NELL2: variants seen among roughly 807,000 people sequenced by gnomAD.
NELL2 encodes neural EGFL like 2, also known as protein kinase C-binding protein NELL2.
Under a neutral mutation model 109.6 loss-of-function variants are expected in NELL2, and 41 were observed. That is an observed-to-expected ratio of 0.37 (90% CI 0.29 to 0.49). NELL2 has a LOEUF of 0.49. Ranked by LOEUF, NELL2 falls within the 20% of genes least tolerant of loss-of-function variation. The pLI is 0.98. For missense variants in NELL2, 900 were observed against 1,008.3 expected (o/e 0.89, Z 1.45); for synonymous variants, 355 against 344.7 (o/e 1.03, Z -0.33).
intron 12 of NELL2, among the ~76,000 whole-genome samples, chr12:44,680,484 T>C (rs1031216254): frequency 1.3e-5 from 2 of 152,166 alleles, no homozygotes; most frequent in Non-Finnish European, 2.9e-5. Context: ...AATTTAAAAA[T>C]GTAATTAAAG....
At chr12:44,711,502 T>C (rs1566215000) in intron 10 of NELL2, 108 bp from the exon 11 acceptor site, 19 of 851,200 alleles carry the variant, frequency 2.2e-5, no homozygotes, top group Non-Finnish European at 2.3e-5. Flanking sequence ...GAAATTTTTG[T>C]CCTGAGGACC....
At chr12:44,670,203 A>C (rs772956736) in intron 12 of NELL2, among the ~76,000 whole-genome samples, 4 of 152,192 alleles carry the variant, frequency 2.6e-5, no homozygotes, top group Non-Finnish European at 5.9e-5. Flanking sequence ...TAATGAAATA[A>C]TTCATCATCG....
At chr12:44,764,656 G>A (rs1211581081) in intron 9 of NELL2, among the ~76,000 whole-genome samples, 2 of 152,166 alleles carry the variant, frequency 1.3e-5, no homozygotes, top group South Asian at 2.1e-4. Context: ...TTAAATTGTG[G>A]TGCTGCCACT....
At chr12:44,741,862 C>T (rs1939990680) in intron 9 of NELL2, among the ~76,000 whole-genome samples, 1 of 152,256 alleles carries the variant, frequency 6.6e-6, no homozygotes, top group South Asian at 2.1e-4. Context: ...CAGTCTGCCT[C>T]TGTAGGCTCC....
intron 9 of NELL2, among the ~76,000 whole-genome samples, chr12:44,748,198 A>C (rs1011467291): frequency 6.6e-6 from 1 of 152,136 alleles, no homozygotes; most frequent in Non-Finnish European, 1.5e-5. Context: ...CAACACTCTA[A>C]TTTAAGAATA....
intron 15 of NELL2, among the ~76,000 whole-genome samples, chr12:44,539,996 T>C (rs971745758): frequency 1.3e-5 from 2 of 152,122 alleles, no homozygotes; most frequent in Non-Finnish European, 2.9e-5. Flanking sequence ...AAAAATAACA[T>C]GATAGTAAAA....
chr12:44,606,720 AATT>A (rs781726369), intron 15 of NELL2, among the ~76,000 whole-genome samples: 7 of 152,078 alleles, frequency 4.6e-5, no homozygotes, highest in Non-Finnish European at 7.4e-5. Context: ...CCAGATAAAT[AATT>A]ATTAATGAAT....
At chr12:44,547,945 C>T (rs1278009545) in intron 15 of NELL2, among the ~76,000 whole-genome samples, 1 of 152,184 alleles carries the variant, frequency 6.6e-6, no homozygotes, top group Non-Finnish European at 1.5e-5. Flanking sequence ...GGTTTCAGTT[C>T]TCTTGCTGAA....
intron 1 of NELL2, among the ~76,000 whole-genome samples, chr12:44,899,734 A>G (rs1338959780): frequency 6.6e-6 from 1 of 152,222 alleles, no homozygotes; most frequent in Non-Finnish European, 1.5e-5. Flanking sequence ...TAGCATCAAA[A>G]TGACAGGACC....
At chr12:44,722,482 A>G (rs1271601942) in intron 9 of NELL2, among the ~76,000 whole-genome samples, 1 of 152,208 alleles carries the variant, frequency 6.6e-6, no homozygotes, top group African/African-American at 2.4e-5. Flanking sequence ...ACATTTATTG[A>G]CACTGAAACA....
intron 15 of NELL2, among the ~76,000 whole-genome samples, chr12:44,602,091 T>G (rs1326796058): frequency 6.6e-6 from 1 of 152,194 alleles, no homozygotes; most frequent in Non-Finnish European, 1.5e-5. Context: ...GAGAGTGCTT[T>G]TTGTTTGTTG....
chr12:44,688,085 T>G (rs533673642), intron 12 of NELL2, among the ~76,000 whole-genome samples: 1 of 152,184 alleles, frequency 6.6e-6, no homozygotes, highest in African/African-American at 2.4e-5. Context: ...TGAATCCCCA[T>G]AGTAAAATTT....
chr12:44,713,177 TACACACAC>T lies in NELL2; in HGVS notation c.1086+1465_1086+1472del, dbSNP rs35017907. ...ACACATTCTGGTAAAATGAATAGGATACACACACACACACACACACACACACACACACA... is the reference window on the plus strand; with the variant it reads ...ACACATTCTGGTAAAATGAATAGGATACACACACACACACACACACACACA... On this transcript the variant is annotated intron_variant, in intron 10 of 19. Transcript: ENST00000429094. Among the ~76,000 whole-genome samples, 463 of 141,964 alleles carry T rather than the reference TACACACAC, an allele frequency of 3.3e-3. 1 individual carries two copies. Among genetic ancestry groups the T allele is most frequent in the South Asian group, 0.01 (44 of 4,354 alleles). 93.1% of individuals were successfully genotyped at this position (141,964 alleles called of 152,430 possible).
At chr12:44,836,300 A>T (rs139377756) in intron 2 of NELL2, among the ~76,000 whole-genome samples, 3 of 152,304 alleles carry the variant, frequency 2.0e-5, no homozygotes, top group African/African-American at 7.2e-5. Context: ...ATCCCAATCT[A>T]TTCTCTGTCC....
intron 1 of NELL2, among the ~76,000 whole-genome samples, chr12:44,897,926 T>C (rs1005835369): frequency 5.3e-5 from 8 of 152,084 alleles, no homozygotes; most frequent in African/African-American, 1.9e-4. Flanking sequence ...TCCAGAGTGG[T>C]GTGGGGAGGG....
upstream of NELL2, among the ~76,000 whole-genome samples, chr12:44,877,400 G>A (rs1434351660): frequency 6.6e-6 from 1 of 152,146 alleles, no homozygotes; most frequent in African/African-American, 2.4e-5. Flanking sequence ...GGTAAATTTT[G>A]AGGAATGGCA....
At chr12:44,738,982 T>C (rs1939796305) in intron 9 of NELL2, among the ~76,000 whole-genome samples, 1 of 152,214 alleles carries the variant, frequency 6.6e-6, no homozygotes, top group Non-Finnish European at 1.5e-5. Context: ...GTCCAAACTC[T>C]TTATGGCTTT....
chr12:44,839,458 A>C (rs1426399696), intron 2 of NELL2, among the ~76,000 whole-genome samples: 1 of 152,232 alleles, frequency 6.6e-6, no homozygotes, highest in Non-Finnish European at 1.5e-5. Context: ...TTAAACATCC[A>C]TAAGATTTAT....
intron 13 of NELL2, among the ~76,000 whole-genome samples, chr12:44,645,984 T>C (rs1209268994): frequency 1.3e-5 from 2 of 152,214 alleles, no homozygotes; most frequent in African/African-American, 4.8e-5. Context: ...CAATTCACTT[T>C]GTCTTTTATT....
Sources: gnomAD v4.1 joint callset for allele counts (sites outside exome capture counted in the v4.1 genomes callset) on GRCh38, gnomAD v4.1.1 for gene constraint, MANE v1.5 for transcripts, NCBI Gene and HGNC (gene_info 2026-07-23, HGNC 2026-07-21) for gene names.